The following GMPR2 variants were observed in gnomAD, a reference collection of about 807,000 sequenced individuals.
GMPR2 encodes guanosine monophosphate reductase 2.
Under a neutral mutation model 38.5 loss-of-function variants are expected in GMPR2, and 32 were observed. That is an observed-to-expected ratio of 0.83 (90% CI 0.63 to 1.12). The LOEUF (loss-of-function observed/expected upper bound fraction) is 1.12. Ranked by LOEUF, GMPR2 falls within the 50% of genes most tolerant of loss-of-function variation. GMPR2 has a pLI of 0.00. For missense variants in GMPR2, 396 were observed against 432.1 expected, an observed-to-expected ratio of 0.92 and a Z score of 0.74; for synonymous variants, 154 against 151.0, an observed-to-expected ratio of 1.02 and a Z score of -0.15.
chr14:24,234,818 A>T (rs945129347), intron 3 of GMPR2, among the ~76,000 whole-genome samples: 5 of 152,206 alleles, frequency 3.3e-5, no homozygotes, highest in Admixed American at 3.3e-4. Flanking sequence ...GCTTATCAGT[A>T]TGTTGATGAT....
Position 24,233,323 on chromosome 14 carries a change from C to G in GMPR2, c.70C>G (p.Leu24Val), listed in dbSNP as rs1425951950. 2.5e-6 allele frequency: 4 copies of G among 1,614,038 alleles called. No homozygotes were observed. Among genetic ancestry groups the G allele is most frequent in the Non-Finnish European group, 3.4e-6 (4 of 1,180,018 alleles). ...DVLLRPKRST[L>V]KSRSEVDLTR... Reference sequence around the variant, plus strand: ...CCTTTTGAGGCCCAAACGCAGTACCCTTAAGTCTCGAAGTGAGGTGAGCAA... The same window carrying G: ...CCTTTTGAGGCCCAAACGCAGTACCGTTAAGTCTCGAAGTGAGGTGAGCAA... The change falls in exon 2 of 10, where the codon CTT (leucine) becomes GTT (valine). Residue 24 changes from leucine (L) to valine (V), a missense_variant. Physicochemically the swap from Leu to Val is conservative, Grantham distance 32. Transcript: ENST00000399440.
Position 24,238,376 on chromosome 14 carries a change from G to A in GMPR2, c.828G>A (p.Lys276=). The change falls in exon 9 of 10, where the codon AAG becomes AAA. Residue 276 remains lysine, a synonymous_variant. Transcript: ENST00000399440. ...FYGMSSEMAM[K]KYAGGVAEYR... is the part of the protein sequence containing the mutation. ...GAATGAGTTCTGAAATGGCCATGAA[G>A]AAGTATGCTGGGGGCGTGGCTGAGT... 3 of 1,614,114 alleles carry A rather than the reference G, an allele frequency of 1.9e-6. No individual in the cohort carries two copies. The South Asian group carries it at 3.3e-5, about 18-fold the overall frequency.
chr14:24,235,079 C>T (rs994100312), intron 3 of GMPR2, among the ~76,000 whole-genome samples: 1 of 152,206 alleles, frequency 6.6e-6, no homozygotes, highest in African/African-American at 2.4e-5. Context: ...TGTTTGCAAT[C>T]TGTTGAGCTA....
chr14:24,233,730 T>C lies in GMPR2; in HGVS notation c.207+132T>C, dbSNP rs562966418. 9.0e-4 allele frequency: 888 copies of C among 985,010 alleles called. 8 individuals carry two copies. The highest frequency in any genetic ancestry group is 1.7e-3 in the Middle Eastern group (8 of 4,836). 61.0% of individuals were successfully genotyped at this position (985,010 alleles called of 1,614,324 possible). A position where few individuals can be genotyped will look rare whatever the true frequency, so the allele number is the denominator to read the frequency against. On this transcript the variant is annotated intron_variant, in intron 3 of 9. Coordinates refer to ENST00000399440, the MANE Select transcript of GMPR2 (RefSeq NM_001002002.3). The stretch of plus-strand genomic sequence containing the variant: ...GCAGTCAGGATGCTCTGATTTACGG[T>C]TTTTTCCACTACTGAAGCCCTTTAT...
rs771610584 is a variant in GMPR2 at position 24,233,433 on chromosome 14, G to A, written c.88-46G>A. On this transcript the variant is annotated intron_variant, in intron 2 of 9. Coordinates refer to ENST00000399440, the MANE Select transcript of GMPR2 (RefSeq NM_001002002.3). ...GCCTGTCCTTGTCCTAATATGGTAC[G>A]TTTTTTGGATTAATGAAATGGTCAA... 5 of 1,608,868 alleles carry A rather than the reference G, an allele frequency of 3.1e-6. No homozygotes were observed. In the South Asian group the frequency reaches 5.5e-5, roughly 18 times the overall value.
intron 3 of GMPR2, among the ~76,000 whole-genome samples, chr14:24,234,658 A>G (rs1485704832): frequency 6.6e-6 from 1 of 152,234 alleles, no homozygotes; most frequent in Non-Finnish European, 1.5e-5. Flanking sequence ...TTTTAGAGAT[A>G]AGAGCCAAGT....
In GMPR2 at chr14:24,233,229, C is replaced by A; in HGVS notation, c.-25C>A. The A allele has an allele frequency of 6.2e-7, 1 of 1,613,792 alleles. No homozygotes were observed. Among genetic ancestry groups the A allele is most frequent in the Non-Finnish European group, 8.5e-7 (1 of 1,180,004 alleles). Reference sequence around the variant, plus strand: ...CTTCCTGCCTTCCAGCCCTCAGATTCATCGCTACCCCGAGGCTAAGCGCCA... The same window carrying A: ...CTTCCTGCCTTCCAGCCCTCAGATTAATCGCTACCCCGAGGCTAAGCGCCA... On this transcript the variant is annotated 5_prime_UTR_variant, in exon 2 of 10. Coordinates refer to ENST00000399440, the MANE Select transcript of GMPR2 (RefSeq NM_001002002.3).
Position 24,235,723 on chromosome 14 carries a change from T to C in GMPR2, c.208-14T>C. ...AGTTTTCTCCCTTTTGATGCTTCTTTGTCTTCTCCCCAGTTCTCTCTCTTC... is the reference window on the plus strand; with the variant it reads ...AGTTTTCTCCCTTTTGATGCTTCTTCGTCTTCTCCCCAGTTCTCTCTCTTC... On this transcript the variant is annotated splice_polypyrimidine_tract_variant and intron_variant, in intron 3 of 9. Transcript: ENST00000399440. 6.3e-7 allele frequency: 1 copy of C among 1,583,902 alleles called. No homozygotes were observed. The highest frequency in any genetic ancestry group is 1.1e-5 in the South Asian group (1 of 90,484).
chr14:24,234,139 C>T, intron 3 of GMPR2: 1 of 1,289,304 alleles, frequency 7.8e-7, no homozygotes, highest in Non-Finnish European at 1.0e-6. Flanking sequence ...GGGATGTGCC[C>T]CAAATGGGAT....
At chr14:24,233,775 A>G (rs1219802770) in intron 3 of GMPR2, 177 bp downstream of exon 3, 1 of 703,130 alleles carries the variant, frequency 1.4e-6, no homozygotes, top group Non-Finnish European at 2.5e-6. Flanking sequence ...TCAAAAGGCC[A>G]TCTGAATTAG....
At position 24,239,006 on chromosome 14, in the gene GMPR2, G is replaced by T; in HGVS notation, c.*228G>T. 1 of 623,198 alleles carries T rather than the reference G, an allele frequency of 1.6e-6. No individual in the cohort carries two copies. Among genetic ancestry groups the T allele is most frequent in the Non-Finnish European group, 3.0e-6 (1 of 335,128 alleles). The allele number at this position is 623,198 out of a possible 1,614,324, so 38.6% of individuals were successfully genotyped here. A position where few individuals can be genotyped will look rare whatever the true frequency, so the allele number is the denominator to read the frequency against. On this transcript the variant is annotated 3_prime_UTR_variant, in exon 10 of 10. Coordinates refer to ENST00000399440, the MANE Select transcript of GMPR2 (RefSeq NM_001002002.3). ...GAAGCAAACAGTCTGAGAAAATGAT[G>T]CAAGAAAATCAAATGGGAATCTGGG...
chr14:24,237,950 C>T, intron 8 of GMPR2: 4 of 467,544 alleles, frequency 8.6e-6, no homozygotes, highest in Non-Finnish European at 1.5e-5. Context: ...TTTAGCTGGG[C>T]ACAGTAAAAT....
chr14:24,238,776 T>A lies in GMPR2; in HGVS notation c.1045T>A (p.Ter349LysextTer2), dbSNP rs756303925. 1 of 1,611,830 alleles carries A rather than the reference T, an allele frequency of 6.2e-7. No homozygotes were observed. Among genetic ancestry groups the A allele is most frequent in the Non-Finnish European group, 8.5e-7 (1 of 1,179,526 alleles). Residue 349 changes from the stop codon to lysine, a stop_lost, in exon 10 of 10, where the codon TAG (stop) becomes AAG (lysine). Coordinates refer to ENST00000399440, the MANE Select transcript of GMPR2 (RefSeq NM_001002002.3). ...GAATCCAATCTTCAGTGAGGCGTGC[T>A]AGACCTGAGCAGTTCTACCCTCCCA... is the stretch of plus-strand genomic sequence containing the variant. ...QVNPIFSEAC[*>K]
rs7152342 is a variant in GMPR2 at position 24,233,691 on chromosome 14, T to C, written c.207+93T>C. 0.019 allele frequency: 25,743 copies of C among 1,382,334 alleles called. 3,474 individuals carry two copies. The African/African-American group carries it at 0.31, about 17-fold the overall frequency. 85.6% of individuals were successfully genotyped at this position (1,382,334 alleles called of 1,614,324 possible). On this transcript the variant is annotated intron_variant, in intron 3 of 9. Coordinates refer to ENST00000399440, the MANE Select transcript of GMPR2 (RefSeq NM_001002002.3). ...CATCCCCACCCCCATGCCCAGTCAG[T>C]TCTCTGGCAGTTAGCAGTCAGGATG... is the stretch of plus-strand genomic sequence containing the variant.
Position 24,238,775 on chromosome 14 carries a change from C to T in GMPR2, c.1044C>T (p.Cys348=). The part of the protein sequence containing the change: ...QQVNPIFSEA[C] ...TGAATCCAATCTTCAGTGAGGCGTG[C>T]TAGACCTGAGCAGTTCTACCCTCCC... The change falls in exon 10 of 10, where the codon TGC becomes TGT. Residue 348 remains cysteine (C), a synonymous_variant. Coordinates refer to ENST00000399440, the MANE Select transcript of GMPR2 (RefSeq NM_001002002.3). 1.1e-5 allele frequency: 18 copies of T among 1,611,646 alleles called. No individual in the cohort carries two copies. Among genetic ancestry groups the T allele is most frequent in the Non-Finnish European group, 1.5e-5 (18 of 1,179,424 alleles).
Position 24,238,844 on chromosome 14 carries a change from C to CA in GMPR2, c.*67dup. 1 of 1,336,336 alleles carries CA rather than the reference C, an allele frequency of 7.5e-7. No individual in the cohort carries two copies. The highest frequency in any genetic ancestry group is 1.1e-6 in the Non-Finnish European group (1 of 940,580). 82.8% of individuals were successfully genotyped at this position (1,336,336 alleles called of 1,614,324 possible). ...CATGGGGCATCCCAAGTGGGGTCCT[C>CA]ACCCATCCCAGCTACTGCAGCTCTG... On this transcript the variant is annotated 3_prime_UTR_variant, in exon 10 of 10. Coordinates refer to ENST00000399440, the MANE Select transcript of GMPR2 (RefSeq NM_001002002.3).
chr14:24,234,816 G>A (rs1417644136), intron 3 of GMPR2, among the ~76,000 whole-genome samples: 1 of 152,210 alleles, frequency 6.6e-6, no homozygotes, highest in Admixed American at 6.5e-5. Flanking sequence ...TTGCTTATCA[G>A]TATGTTGATG....
At chr14:24,237,442 G>T in intron 7 of GMPR2, 78 bp from the exon 8 acceptor site, 1 of 1,539,624 alleles carries the variant, frequency 6.5e-7, no homozygotes, top group Non-Finnish European at 9.0e-7. Flanking sequence ...GTTCTTGTTG[G>T]CTTTGAGTTG....
At chr14:24,234,249 G>C in intron 3 of GMPR2, 1 of 1,288,738 alleles carries the variant, frequency 7.8e-7, no homozygotes, top group Non-Finnish European at 1.0e-6. Context: ...AAGGTAGAGA[G>C]TTATCTGGGC....
Sources: gnomAD v4.1 joint callset for allele counts (sites outside exome capture counted in the v4.1 genomes callset) on GRCh38, gnomAD v4.1.1 for gene constraint, MANE v1.5 for transcripts, NCBI Gene and HGNC (gene_info 2026-07-23, HGNC 2026-07-21) for gene names.